Variants in CDK17 observed in about 807,000 individuals in gnomAD.
CDK17 encodes cyclin dependent kinase 17, also known as cyclin-dependent kinase 17.
Under a neutral mutation model 77.6 loss-of-function variants are expected in CDK17, and 24 were observed. The ratio of observed to expected loss-of-function variants is 0.31; its 90% CI spans 0.22 to 0.44. CDK17 has a LOEUF of 0.44. Among genes scored for constraint, CDK17 ranks in the 20% least tolerant of loss-of-function variants. CDK17 has a pLI of 1.00. For synonymous variants in CDK17, 203 were observed against 210.4 expected (o/e 0.96, Z 0.30); for missense variants, 429 against 622.5 (o/e 0.69, Z 3.31).
At chr12:96,305,725 C>T (rs751574601) in intron 5 of CDK17, among the ~76,000 whole-genome samples, 5 of 150,986 alleles carry the variant, frequency 3.3e-5, no homozygotes, top group South Asian at 2.1e-4. Flanking sequence ...TGGCCACCCC[C>T]TTTTTTTTTG....
chr12:96,384,021 A>C (rs1335200679), intron 1 of CDK17, among the ~76,000 whole-genome samples: 1 of 152,126 alleles, frequency 6.6e-6, no homozygotes, highest in Non-Finnish European at 1.5e-5. Flanking sequence ...CCAACAAAGG[A>C]CTAATATTCA....
At chr12:96,322,265 T>G (rs1311249484) in intron 3 of CDK17, among the ~76,000 whole-genome samples, 1 of 152,156 alleles carries the variant, frequency 6.6e-6, no homozygotes, top group Non-Finnish European at 1.5e-5. Context: ...ACAACATACT[T>G]TTCTCCTCCA....
At chr12:96,336,746 T>C (rs771878527) in intron 1 of CDK17, among the ~76,000 whole-genome samples, 1 of 152,214 alleles carries the variant, frequency 6.6e-6, no homozygotes, top group African/African-American at 2.4e-5. Flanking sequence ...AACCCATCTG[T>C]TGTGCTCTTA....
At chr12:96,325,549 G>A (rs550151228) in intron 2 of CDK17, among the ~76,000 whole-genome samples, 57 of 152,314 alleles carry the variant, frequency 3.7e-4, no homozygotes, top group African/African-American at 1.3e-3. Flanking sequence ...GAGCCTCTAC[G>A]AATACTGGTT....
At chr12:96,313,239 T>C (rs561767354) in intron 4 of CDK17, 82 bp downstream of exon 4, 251 of 1,151,266 alleles carry the variant, frequency 2.2e-4, no homozygotes, top group Non-Finnish European at 2.7e-4. Context: ...TAAATGGGCA[T>C]TTACTCCACT....
chr12:96,281,289 T>C (rs1327014065), intron 15 of CDK17, among the ~76,000 whole-genome samples: 1 of 152,244 alleles, frequency 6.6e-6, no homozygotes, highest in Non-Finnish European at 1.5e-5. Flanking sequence ...TCTTTGGAAT[T>C]TTAGCGAAAA....
At chr12:96,367,407 G>A (rs1036937965) in intron 1 of CDK17, among the ~76,000 whole-genome samples, 4 of 148,290 alleles carry the variant, frequency 2.7e-5, no homozygotes, top group Non-Finnish European at 6.0e-5. Flanking sequence ...TCAAGTCTGA[G>A]GTTAATTTCT....
intron 1 of CDK17, among the ~76,000 whole-genome samples, chr12:96,388,594 G>A (rs1024128140): frequency 6.6e-6 from 1 of 152,168 alleles, no homozygotes; most frequent in African/African-American, 2.4e-5. Context: ...TCAATGTGAA[G>A]CAATGGATTA....
In CDK17 at chr12:96,311,108, T is replaced by A; in HGVS notation, c.487A>T (p.Ile163Leu). Residue 163 changes from isoleucine (I) to leucine (L), a missense_variant, in exon 5 of 17, where the codon ATA becomes TTA. Physicochemically the swap from Ile to Leu is conservative, Grantham distance 5. Transcript: ENST00000261211. ...IPDGYLEKLQ[I>L]NSPPFDQPMS... ...GGTTGGTCAAATGGTGGACTGTTTA[T>A]CTGCAACTTTTCAAGATATCCATCA... 1 of 1,602,404 alleles carries A rather than the reference T, an allele frequency of 6.2e-7. No individual in the cohort carries two copies. The highest frequency in any genetic ancestry group is 8.5e-7 in the Non-Finnish European group (1 of 1,176,804).
chr12:96,296,996 A>G (rs1952416245), intron 9 of CDK17, among the ~76,000 whole-genome samples: 1 of 152,176 alleles, frequency 6.6e-6, no homozygotes, highest in African/African-American at 2.4e-5. Flanking sequence ...AAAGCAGAAT[A>G]CACCTGTACA....
At chr12:96,336,365 G>A (rs1470441539) in intron 1 of CDK17, among the ~76,000 whole-genome samples, 1 of 152,144 alleles carries the variant, frequency 6.6e-6, no homozygotes, top group African/African-American at 2.4e-5. Flanking sequence ...TCAGGAGACT[G>A]GGGTGGGAGG....
In CDK17 at chr12:96,371,016, G is replaced by A. The variant is rs76619738; in HGVS notation, c.-30+28970C>T. ...ATCTTCTAAATTGGTTTACTTACCA[G>A]GATCAAGTGGGCTATGTAAATAAAA... On this transcript the variant is annotated intron_variant, in intron 1 of 16. Transcript: ENST00000261211. 7.0e-3 allele frequency among the ~76,000 whole-genome samples: 1,070 copies of A among 152,092 alleles called. 13 individuals are homozygous for A. Among genetic ancestry groups the A allele is most frequent in the African/African-American group, 0.024 (987 of 41,486 alleles).
At chr12:96,301,237 C>T (rs867103392) in intron 5 of CDK17, among the ~76,000 whole-genome samples, 1 of 93,134 alleles carries the variant, frequency 1.1e-5, no homozygotes, top group Non-Finnish European at 2.1e-5. Flanking sequence ...CCTCAACACT[C>T]GGCCAAAAAA....
intron 1 of CDK17, among the ~76,000 whole-genome samples, chr12:96,377,387 C>T (rs1204162202): frequency 6.6e-6 from 1 of 151,986 alleles, no homozygotes; most frequent in Non-Finnish European, 1.5e-5. Flanking sequence ...GGCTAATCTC[C>T]CAACAGAAAA....
chr12:96,328,047 T>C, intron 2 of CDK17, among the ~76,000 whole-genome samples: 1 of 152,180 alleles, frequency 6.6e-6, no homozygotes, highest in Non-Finnish European at 1.5e-5. Context: ...AAGCTTCATC[T>C]GTATTTACAG....
intron 2 of CDK17, among the ~76,000 whole-genome samples, chr12:96,331,965 T>C (rs779299146): frequency 2.0e-5 from 3 of 152,190 alleles, no homozygotes; most frequent in Non-Finnish European, 4.4e-5. Flanking sequence ...AGACATCATA[T>C]ACAACAGTGG....
At chr12:96,379,276 G>A (rs1953836590) in intron 1 of CDK17, among the ~76,000 whole-genome samples, 1 of 152,148 alleles carries the variant, frequency 6.6e-6, no homozygotes. Flanking sequence ...TAAATGGAAA[G>A]TGATTTATGA....
intron 1 of CDK17, among the ~76,000 whole-genome samples, chr12:96,348,339 A>C (rs1294240835): frequency 1.3e-5 from 2 of 152,086 alleles, no homozygotes; most frequent in Non-Finnish European, 2.9e-5. Flanking sequence ...AGCCTAGCCA[A>C]CATGGTGAAA....
intron 10 of CDK17, among the ~76,000 whole-genome samples, chr12:96,290,716 G>A (rs1278843116): frequency 1.3e-5 from 2 of 152,148 alleles, no homozygotes; most frequent in African/African-American, 4.8e-5. Flanking sequence ...TTATAGGAAG[G>A]CAAAGGACAG....
Sources: allele counts gnomAD v4.1 joint callset (sites outside exome capture counted in the v4.1 genomes callset), GRCh38; gene constraint gnomAD v4.1.1; transcripts MANE v1.5; gene names NCBI Gene and HGNC (gene_info 2026-07-23, HGNC 2026-07-21).